The following KCTD8 variants were observed in gnomAD, a reference collection of about 807,000 sequenced individuals.
The protein encoded by KCTD8 is BTB/POZ domain-containing protein KCTD8.
In KCTD8, 27 loss-of-function variants were observed where a neutral mutation model predicts 31.5. The ratio of observed to expected loss-of-function variants is 0.86; its 90% CI spans 0.63 to 1.18. The LOEUF (loss-of-function observed/expected upper bound fraction) is 1.18. Ranked by LOEUF, KCTD8 falls within the 50% of genes most tolerant of loss-of-function variation. The probability of loss-of-function intolerance (pLI) is 0.00; values close to 1 mark genes in which losing one functional copy is unlikely to be tolerated. For synonymous variants in KCTD8, 290 were observed against 280.0 expected (o/e 1.04, Z -0.36); for missense variants, 658 against 647.7 (o/e 1.02, Z -0.17).
chr4:44,239,542 G>C (rs1715388678), intron 1 of KCTD8, among the ~76,000 whole-genome samples: 1 of 152,182 alleles, frequency 6.6e-6, no homozygotes, highest in Admixed American at 6.5e-5. Context: ...AGGGTGCTGT[G>C]TAAGACTTCA....
intron 1 of KCTD8, among the ~76,000 whole-genome samples, chr4:44,223,593 T>A (rs939806775): frequency 6.6e-6 from 1 of 152,232 alleles, no homozygotes; most frequent in African/African-American, 2.4e-5. Flanking sequence ...GGGAATACAG[T>A]TACACTTTTA....
intron 1 of KCTD8, among the ~76,000 whole-genome samples, chr4:44,203,130 T>C (rs1269108565): frequency 6.6e-6 from 1 of 152,164 alleles, no homozygotes; most frequent in Non-Finnish European, 1.5e-5. Flanking sequence ...CATACCAAAA[T>C]CTGTAGGGCA....
chr4:44,388,151 A>G (rs994127612), intron 1 of KCTD8, among the ~76,000 whole-genome samples: 1 of 151,864 alleles, frequency 6.6e-6, no homozygotes, highest in Non-Finnish European at 1.5e-5. Flanking sequence ...CAAAACCATA[A>G]TGGAGTACCA....
At chr4:44,322,834 T>C (rs187635038) in intron 1 of KCTD8, among the ~76,000 whole-genome samples, 2 of 152,218 alleles carry the variant, frequency 1.3e-5, no homozygotes, top group East Asian at 3.9e-4. Context: ...GCACTATTTA[T>C]TGAAAAGTGT....
chr4:44,304,434 AT>A (rs1327202501), intron 1 of KCTD8, among the ~76,000 whole-genome samples: 1 of 152,148 alleles, frequency 6.6e-6, no homozygotes, highest in Non-Finnish European at 1.5e-5. Flanking sequence ...GGATCAAAAC[AT>A]TTTTTTGTTG....
At chr4:44,235,551 A>T (rs1489657153) in intron 1 of KCTD8, among the ~76,000 whole-genome samples, 4 of 88,844 alleles carry the variant, frequency 4.5e-5, no homozygotes, top group Admixed American at 1.1e-4. Context: ...ATATATATAT[A>T]TATATATATA....
intron 1 of KCTD8, among the ~76,000 whole-genome samples, chr4:44,296,950 T>C (rs1251315206): frequency 6.6e-6 from 1 of 152,084 alleles, no homozygotes; most frequent in Non-Finnish European, 1.5e-5. Context: ...ATTTTCATTT[T>C]CTTTTACATC....
intron 1 of KCTD8, among the ~76,000 whole-genome samples, chr4:44,400,982 G>T (rs1382635597): frequency 6.7e-6 from 1 of 148,770 alleles, no homozygotes; most frequent in Non-Finnish European, 1.5e-5. Flanking sequence ...GACCACAGGT[G>T]CACACTACCA....
chr4:44,340,899 A>G (rs1718880188), intron 1 of KCTD8, among the ~76,000 whole-genome samples: 1 of 151,996 alleles, frequency 6.6e-6, no homozygotes, highest in Non-Finnish European at 1.5e-5. Context: ...GATATGTTCT[A>G]CATTGTGATA....
chr4:44,189,975 C>T (rs559684206), intron 1 of KCTD8, among the ~76,000 whole-genome samples: 1 of 152,102 alleles, frequency 6.6e-6, no homozygotes, highest in Non-Finnish European at 1.5e-5. Context: ...TTATCTAGTC[C>T]TCTTGATACT....
At chr4:44,265,396 T>C (rs1257783802) in intron 1 of KCTD8, among the ~76,000 whole-genome samples, 1 of 151,942 alleles carries the variant, frequency 6.6e-6, no homozygotes, top group Non-Finnish European at 1.5e-5. Flanking sequence ...CATCTGTACA[T>C]CACCATCATC....
intron 1 of KCTD8, among the ~76,000 whole-genome samples, chr4:44,309,296 C>T (rs1717886858): frequency 6.6e-6 from 1 of 152,068 alleles, no homozygotes; most frequent in South Asian, 2.1e-4. Context: ...ACCTCGGCCT[C>T]TCAAAGTGCT....
intron 1 of KCTD8, among the ~76,000 whole-genome samples, chr4:44,292,480 G>A (rs1717309497): frequency 6.6e-6 from 1 of 152,096 alleles, no homozygotes; most frequent in Non-Finnish European, 1.5e-5. Flanking sequence ...TAGAAGTAGA[G>A]AGGGAGGAAG....
At chr4:44,372,383 G>A (rs1719811021) in intron 1 of KCTD8, among the ~76,000 whole-genome samples, 1 of 152,142 alleles carries the variant, frequency 6.6e-6, no homozygotes, top group African/African-American at 2.4e-5. Flanking sequence ...AGATGCACTG[G>A]TAATGCTAAA....
chr4:44,277,234 C>T (rs1716776620), intron 1 of KCTD8, among the ~76,000 whole-genome samples: 2 of 151,434 alleles, frequency 1.3e-5, no homozygotes, highest in Non-Finnish European at 3.0e-5. Context: ...AGTAAAAATC[C>T]CAAATAAGAC....
chr4:44,446,577 T>C (rs888724046), intron 1 of KCTD8, among the ~76,000 whole-genome samples: 1 of 152,104 alleles, frequency 6.6e-6, no homozygotes, highest in African/African-American at 2.4e-5. Flanking sequence ...ATTATGGTAT[T>C]TGGTATAGTT....
intron 1 of KCTD8, among the ~76,000 whole-genome samples, chr4:44,358,742 T>G (rs1719416972): frequency 1.3e-5 from 2 of 152,124 alleles, no homozygotes; most frequent in Non-Finnish European, 1.5e-5. Context: ...TTAATTTTTT[T>G]GTATTTTTAG....
At chr4:44,372,893 T>A (rs1428493582) in intron 1 of KCTD8, among the ~76,000 whole-genome samples, 1 of 152,162 alleles carries the variant, frequency 6.6e-6, no homozygotes, top group East Asian at 1.9e-4. Flanking sequence ...ATAATTAAAA[T>A]CCCAGCTGTA....
At chr4:44,176,004 A>G (rs1346235336) in intron 1 of KCTD8, among the ~76,000 whole-genome samples, 1 of 152,184 alleles carries the variant, frequency 6.6e-6, no homozygotes, top group African/African-American at 2.4e-5. Context: ...AATTATTTCA[A>G]ATTCACAGTG....
Sources: allele counts gnomAD v4.1 joint callset (sites outside exome capture counted in the v4.1 genomes callset), GRCh38; gene constraint gnomAD v4.1.1; transcripts MANE v1.5; gene names NCBI Gene and HGNC (gene_info 2026-07-23, HGNC 2026-07-21).